Variants in ERI1 observed in about 807,000 individuals in gnomAD.
ERI1 encodes the protein 3'-5' exoribonuclease 1.
Under a neutral mutation model 39.7 loss-of-function variants are expected in ERI1, and 39 were observed. That is an observed-to-expected ratio of 0.98 (90% confidence interval 0.76 to 1.28). The LOEUF (loss-of-function observed/expected upper bound fraction) is 1.28. Ranked by LOEUF, ERI1 falls within the 50% of genes most tolerant of loss-of-function variation. The probability of loss-of-function intolerance (pLI) is 0.00; values close to 1 mark genes in which losing one functional copy is unlikely to be tolerated. For synonymous variants in ERI1, 204 were observed against 149.6 expected, an observed-to-expected ratio of 1.36 and a Z score of -2.65; for missense variants, 581 against 416.9, an observed-to-expected ratio of 1.39 and a Z score of -3.43.
rs1799732336 is a variant in ERI1 at position 9,092,294 on chromosome 8, A to T, written n.300-24054A>T. 2.0e-5 allele frequency among the ~76,000 whole-genome samples: 3 copies of T among 152,206 alleles called. No individual in the cohort carries two copies. The South Asian group carries it at 6.2e-4, about 32-fold the overall frequency. ...TCAGCGATGGCATCCCCACAGTGTG[A>T]AGGATCTTAAGTGTGAAGACCCTTA... is the stretch of plus-strand genomic sequence containing the variant. On this transcript the variant is annotated intron_variant and non_coding_transcript_variant, in intron 3 of 3. Transcript: ENST00000518663.
chr8:9,090,218 C>A (rs1050731335), intron 3 of ERI1, among the ~76,000 whole-genome samples: 1 of 151,916 alleles, frequency 6.6e-6, no homozygotes, highest in Admixed American at 6.6e-5. Context: ...CTTCTTCCTC[C>A]TCCTGATATG....
chr8:9,062,160 T>A (rs987029733), intron 3 of ERI1, among the ~76,000 whole-genome samples: 2 of 152,112 alleles, frequency 1.3e-5, no homozygotes, highest in Non-Finnish European at 2.9e-5. Flanking sequence ...TTTAATCTTT[T>A]TAAAGCGTGC....
chr8:9,043,040 A>T (rs906455427), intron 3 of ERI1, among the ~76,000 whole-genome samples: 1 of 152,134 alleles, frequency 6.6e-6, no homozygotes, highest in Non-Finnish European at 1.5e-5. Flanking sequence ...GTTGGAATAG[A>T]TTGTGTTTGA....
intron 3 of ERI1, among the ~76,000 whole-genome samples, chr8:9,088,975 C>T (rs931125442): frequency 1.3e-5 from 2 of 152,182 alleles, no homozygotes; most frequent in African/African-American, 2.4e-5. Context: ...AGGGTTAGCA[C>T]GTACAGTGTT....
Position 9,029,783 on chromosome 8 carries a change from A to G in ERI1, c.808-9A>G. ...CAAAGAATTATTTACTAAGCTGTTT[A>G]TTTTTCAGGTTCCTAGAAGCCAAAC... is the stretch of plus-strand genomic sequence containing the variant. On this transcript the variant is annotated splice_polypyrimidine_tract_variant and intron_variant, in intron 6 of 6. Coordinates refer to ENST00000250263, the MANE Select transcript of ERI1 (RefSeq NM_153332.4). 2 of 1,613,928 alleles carry G rather than the reference A, an allele frequency of 1.2e-6. No homozygotes were observed. The highest frequency in any genetic ancestry group is 1.7e-6 in the Non-Finnish European group (2 of 1,179,864).
chr8:9,050,069 G>T (rs1475524198), intron 3 of ERI1, among the ~76,000 whole-genome samples: 1 of 151,686 alleles, frequency 6.6e-6, no homozygotes, highest in Non-Finnish European at 1.5e-5. Flanking sequence ...TGGTCTGTAA[G>T]ATAGAACTAA....
chr8:9,043,269 A>G (rs1412850432), intron 3 of ERI1, among the ~76,000 whole-genome samples: 2 of 152,172 alleles, frequency 1.3e-5, no homozygotes, highest in Admixed American at 1.3e-4. Context: ...TGTGGCTCAG[A>G]TATGTAGGTG....
chr8:9,012,073 C>T (rs986851218), intron 3 of ERI1, among the ~76,000 whole-genome samples: 3 of 152,108 alleles, frequency 2.0e-5, no homozygotes, highest in Admixed American at 2.0e-4. Context: ...TGGCCCTAGT[C>T]CCAGAGATTC....
At chr8:9,085,981 C>G (rs1201803027) in intron 3 of ERI1, among the ~76,000 whole-genome samples, 1 of 152,064 alleles carries the variant, frequency 6.6e-6, no homozygotes, top group Non-Finnish European at 1.5e-5. Context: ...TTGTGTGTAT[C>G]TAGAAGATAA....
At chr8:9,081,000 A>G (rs1472063441) in intron 3 of ERI1, among the ~76,000 whole-genome samples, 3 of 152,228 alleles carry the variant, frequency 2.0e-5, no homozygotes, top group Admixed American at 6.5e-5. Context: ...GGTTTAATTG[A>G]CTCACAGTTC....
chr8:9,075,058 T>C (rs534584317), intron 3 of ERI1, among the ~76,000 whole-genome samples: 25 of 152,346 alleles, frequency 1.6e-4, no homozygotes, highest in African/African-American at 5.5e-4. Context: ...AAAGGCCCTA[T>C]ATGGCCAAGA....
intron 3 of ERI1, among the ~76,000 whole-genome samples, chr8:9,045,080 C>CA (rs1248490918): frequency 6.6e-6 from 1 of 151,686 alleles, no homozygotes; most frequent in African/African-American, 2.4e-5. Flanking sequence ...TACAAAAATA[C>CA]AAAAAATTAG....
intron 3 of ERI1, among the ~76,000 whole-genome samples, chr8:9,075,183 G>A (rs1027156588): frequency 2.6e-5 from 4 of 152,218 alleles, no homozygotes; most frequent in African/African-American, 9.7e-5. Context: ...CAACACAGAA[G>A]AAAAGTCTTA....
At chr8:9,017,342 T>A (rs188132311) in intron 4 of ERI1, among the ~76,000 whole-genome samples, 2 of 152,324 alleles carry the variant, frequency 1.3e-5, no homozygotes, top group East Asian at 3.9e-4. Context: ...CTAGCCTGTT[T>A]CATGAATTTT....
rs150161507 is a variant in ERI1 at position 9,053,993 on chromosome 8, A to G, written n.299+33529A>G. 2.6e-5 allele frequency among the ~76,000 whole-genome samples: 4 copies of G among 152,278 alleles called. No homozygotes were observed. In the East Asian group the frequency reaches 7.7e-4, roughly 29 times the overall value. ...GAAATATGTCTGTGATAGGGGGGTA[A>G]ACAACACCCTGTGGCATTCAAAGTT... On this transcript the variant is annotated intron_variant and non_coding_transcript_variant, in intron 3 of 3. Coordinates refer to the ERI1 transcript ENST00000518663.
chr8:9,025,616 CG>C (rs1818389443), intron 6 of ERI1, among the ~76,000 whole-genome samples: 2 of 152,052 alleles, frequency 1.3e-5, no homozygotes, highest in Admixed American at 1.3e-4. Context: ...TTTAAAAACA[CG>C]ATGAAGTGAC....
chr8:9,085,355 T>C (rs1799492218), intron 3 of ERI1, among the ~76,000 whole-genome samples: 1 of 151,960 alleles, frequency 6.6e-6, no homozygotes, highest in African/African-American at 2.4e-5. Flanking sequence ...ATTACAGGCT[T>C]ATACTTCCAT....
At chr8:9,014,444 G>A (rs1025519135) in intron 3 of ERI1, among the ~76,000 whole-genome samples, 7 of 152,148 alleles carry the variant, frequency 4.6e-5, no homozygotes, top group African/African-American at 1.7e-4. Context: ...GCTTGCTCAA[G>A]GGAGTCTCCT....
chr8:9,056,176 T>A (rs907317119), intron 3 of ERI1, among the ~76,000 whole-genome samples: 2 of 152,226 alleles, frequency 1.3e-5, no homozygotes, highest in African/African-American at 2.4e-5. Flanking sequence ...TTTCTGGGCC[T>A]TGGAGCTGTG....
Sources: allele counts gnomAD v4.1 joint callset (sites outside exome capture counted in the v4.1 genomes callset), GRCh38; gene constraint gnomAD v4.1.1; transcripts MANE v1.5; gene names NCBI Gene and HGNC (gene_info 2026-07-23, HGNC 2026-07-21).